The following HLCS variants were observed in gnomAD, a reference collection of about 807,000 sequenced individuals.
HLCS encodes biotin--protein ligase.
HLCS carries 53 observed loss-of-function variants against 75.0 expected under a neutral mutation model. The observed-to-expected ratio is 0.71, with a 90% CI of 0.57 to 0.89. The LOEUF (loss-of-function observed/expected upper bound fraction) is 0.89, where lower values mean the gene tolerates loss of function less well. HLCS is among the 40% of genes least tolerant of loss of function. HLCS has a pLI of 0.00. For missense variants in HLCS, 966 were observed against 1,074.0 expected (o/e 0.90, Z 1.41); for synonymous variants, 431 against 428.6 (o/e 1.01, Z -0.07).
chr21:36,812,515 A>G (rs541849668), intron 6 of HLCS, among the ~76,000 whole-genome samples: 2 of 152,204 alleles, frequency 1.3e-5, no homozygotes, highest in Non-Finnish European at 2.9e-5. Flanking sequence ...AAGTTTGAAA[A>G]TCATTTTTAT....
rs1569149852 is a variant in HLCS, at chr21:36,888,475, TATATATATATATATA to T, written c.1892+8370_1892+8384del. Among the ~76,000 whole-genome samples the T allele has an allele frequency of 8.7e-5, 11 of 126,066 alleles. 1 individual carries two copies. The highest frequency in any genetic ancestry group is 1.8e-4 in the Non-Finnish European group (11 of 61,400). 82.7% of individuals were successfully genotyped at this position (126,066 alleles called of 152,430 possible). Reference sequence around the variant, plus strand: ...ATATATATATATATATATATATATATATATATATATATATATATATATTTATTTATTTATTTTATG... The same window carrying T: ...ATATATATATATATATATATATATATTATATATTTATTTATTTATTTTATG... On this transcript the variant is annotated intron_variant, in intron 6 of 10. Transcript: ENST00000674895.
chr21:36,831,735 T>C (rs183161820), intron 6 of HLCS, among the ~76,000 whole-genome samples: 28 of 152,304 alleles, frequency 1.8e-4, no homozygotes, highest in African/African-American at 6.5e-4. Context: ...AGCTATGTCA[T>C]CTGGAAACAA....
At chr21:36,759,286 T>G in intron 9 of HLCS, 2 of 454,608 alleles carry the variant, frequency 4.4e-6, no homozygotes, top group Non-Finnish European at 9.1e-6. Flanking sequence ...TTACCCCGCC[T>G]TGACCAGCAT....
chr21:36,833,097 A>G (rs2062270206), intron 6 of HLCS, among the ~76,000 whole-genome samples: 1 of 152,022 alleles, frequency 6.6e-6, no homozygotes, highest in South Asian at 2.1e-4. Flanking sequence ...ATCAGTCCAT[A>G]GCAGCCTTGA....
At chr21:36,989,314 C>A in intron 1 of HLCS, among the ~76,000 whole-genome samples, 1 of 80,014 alleles carries the variant, frequency 1.2e-5, no homozygotes, top group Non-Finnish European at 2.2e-5. Flanking sequence ...TCTGGCCCAT[C>A]TTTTTTTTTT....
At chr21:36,766,134 C>T (rs894993470) in intron 7 of HLCS, among the ~76,000 whole-genome samples, 1 of 152,224 alleles carries the variant, frequency 6.6e-6, no homozygotes, top group African/African-American at 2.4e-5. Context: ...AGTGATGCTC[C>T]CACCTCAGGC....
At chr21:36,858,294 C>A (rs2063267289) in intron 6 of HLCS, among the ~76,000 whole-genome samples, 1 of 152,208 alleles carries the variant, frequency 6.6e-6, no homozygotes, top group South Asian at 2.1e-4. Flanking sequence ...CTTTTTGATA[C>A]ATCTCTAAAA....
At chr21:36,896,642 C>T (rs2065021942) in intron 6 of HLCS, 4 of 580,826 alleles carry the variant, frequency 6.9e-6, no homozygotes, top group East Asian at 2.9e-5. Context: ...CAAAGCACAA[C>T]CACCTTCCAT....
chr21:36,892,494 A>G (rs1218678850), intron 6 of HLCS, among the ~76,000 whole-genome samples: 1 of 152,242 alleles, frequency 6.6e-6, no homozygotes. Context: ...CAAGACCTCA[A>G]CAGGTACATC....
intron 5 of HLCS, among the ~76,000 whole-genome samples, chr21:36,902,803 G>A (rs186020345): frequency 3.3e-5 from 5 of 152,192 alleles, no homozygotes; most frequent in African/African-American, 9.7e-5. Flanking sequence ...GAAGGTCAGC[G>A]ACTCTGAACT....
chr21:36,940,659 G>C (rs545208742), intron 2 of HLCS, among the ~76,000 whole-genome samples: 97 of 152,296 alleles, frequency 6.4e-4, no homozygotes, highest in African/African-American at 2.2e-3. Context: ...CAGAGGAAAG[G>C]GGTATTCCTG....
chr21:36,765,028 G>T lies in HLCS; in HGVS notation c.2105C>A (p.Ser702Tyr). Residue 702 changes from serine to tyrosine, a missense_variant, in exon 8 of 11, where the codon TCC (serine) becomes TAC (tyrosine). Ser to Tyr is a moderately radical substitution (Grantham distance 144, BLOSUM62 -2). Transcript: ENST00000674895. ...TGTACCTACCTGATACTCGGGAATG[G>T]ACCTCACTGCTTCCACGACAGCCAC... ...MSVAVVEAVRSIPEYQDINLR... is the reference protein window; with the variant it reads ...MSVAVVEAVRYIPEYQDINLR... 6.2e-7 allele frequency: 1 copy of T among 1,614,228 alleles called. No individual in the cohort carries two copies. The highest frequency in any genetic ancestry group is 1.6e-4 in the Middle Eastern group (1 of 6,062).
intron 8 of HLCS, 21 bp from the exon 9 acceptor site, chr21:36,759,862 T>C (rs2089761599): frequency 6.8e-7 from 1 of 1,476,204 alleles, no homozygotes; most frequent in African/African-American, 1.4e-5. Context: ...ATCTGCACAT[T>C]AATTAAGCCG....
In HLCS at chr21:36,754,155, T is replaced by C. The variant is rs931759194; in HGVS notation, c.*91A>G. On this transcript the variant is annotated 3_prime_UTR_variant, in exon 11 of 11. Coordinates refer to ENST00000674895, the MANE Select transcript of HLCS (RefSeq NM_001352514.2). ...AAAGAACAAAGACTTAACAAATGAA[T>C]TGGAGGAAAAGAAAATTCACCTACA... 8.0e-7 allele frequency: 1 copy of C among 1,257,832 alleles called. No homozygotes were observed. The highest frequency in any genetic ancestry group is 1.5e-5 in the African/African-American group (1 of 67,424). The allele number at this position is 1,257,832 out of a possible 1,614,324, so 77.9% of individuals were successfully genotyped here.
chr21:36,778,115 C>T (rs1434706911), intron 6 of HLCS, among the ~76,000 whole-genome samples: 1 of 151,444 alleles, frequency 6.6e-6, no homozygotes. Flanking sequence ...ACTACAGGCG[C>T]CCGCCACCAC....
intron 6 of HLCS, among the ~76,000 whole-genome samples, chr21:36,783,562 C>T (rs1163037305): frequency 2.6e-5 from 4 of 151,916 alleles, no homozygotes; most frequent in Non-Finnish European, 5.9e-5. Context: ...GGTAGGTAGT[C>T]GAGGAAAAGG....
chr21:36,907,648 TCTCAAAAAAAAAG>T (rs778856774), intron 5 of HLCS, among the ~76,000 whole-genome samples: 3 of 149,588 alleles, frequency 2.0e-5, no homozygotes, highest in Non-Finnish European at 4.4e-5. Flanking sequence ...CGAGACTCCA[TCTCAAAAAAAAAG>T]AGAGAGAAAG....
chr21:36,929,937 G>A (rs1236025535), intron 5 of HLCS, among the ~76,000 whole-genome samples: 4 of 152,164 alleles, frequency 2.6e-5, no homozygotes, highest in Non-Finnish European at 4.4e-5. Flanking sequence ...CAAAACAAAT[G>A]TTTTCAATCC....
At chr21:36,901,835 C>G (rs1279071703) in intron 5 of HLCS, among the ~76,000 whole-genome samples, 2 of 152,200 alleles carry the variant, frequency 1.3e-5, no homozygotes, top group East Asian at 3.8e-4. Flanking sequence ...GGCTCCAGGG[C>G]TGGGGCTTTC....
Sources: gnomAD v4.1 joint callset for allele counts (sites outside exome capture counted in the v4.1 genomes callset) on GRCh38, gnomAD v4.1.1 for gene constraint, MANE v1.5 for transcripts, NCBI Gene and HGNC (gene_info 2026-07-23, HGNC 2026-07-21) for gene names.